The following MEMO1 variants were observed in gnomAD, a reference collection of about 807,000 sequenced individuals.
MEMO1 encodes the protein mediator of cell motility 1.
In MEMO1, 6 loss-of-function variants were observed where a neutral mutation model predicts 45.2. The ratio of observed to expected loss-of-function variants is 0.13; its 90% CI spans 0.07 to 0.26. The LOEUF is 0.26. Ranked by LOEUF, MEMO1 falls within the 10% of genes least tolerant of loss-of-function variation. MEMO1 has a pLI of 1.00. For synonymous variants in MEMO1, 78 were observed against 124.3 expected (o/e 0.63, Z 2.48); for missense variants, 184 against 370.5 (o/e 0.50, Z 4.13).
chr2:31,992,446 A>G (rs966930108), intron 2 of MEMO1, among the ~76,000 whole-genome samples: 4 of 152,204 alleles, frequency 2.6e-5, no homozygotes, highest in Non-Finnish European at 5.9e-5. Flanking sequence ...CTCAAATCTC[A>G]TATCACAATA....
intron 8 of MEMO1, among the ~76,000 whole-genome samples, chr2:31,877,339 G>A (rs1558470833): frequency 6.6e-6 from 1 of 152,172 alleles, no homozygotes; most frequent in South Asian, 2.1e-4. Context: ...GGAAAATGAT[G>A]CACGCTTTTT....
intron 2 of MEMO1, among the ~76,000 whole-genome samples, chr2:31,960,571 T>C (rs1558534554): frequency 6.6e-6 from 1 of 152,184 alleles, no homozygotes; most frequent in East Asian, 1.9e-4. Context: ...AGTACTTCAA[T>C]ATGAAAAGTA....
intron 3 of MEMO1, among the ~76,000 whole-genome samples, chr2:31,933,366 TATATATATATATATATAG>T (rs1558514484): frequency 0.012 from 1,194 of 99,992 alleles, 37 homozygotes; most frequent in South Asian, 0.055. Context: ...TATATATATA[TATATATATATATATATAG>T]AAAGGGGAAG....
intron 8 of MEMO1, among the ~76,000 whole-genome samples, chr2:31,873,593 A>G (rs1674107589): frequency 6.6e-6 from 1 of 152,146 alleles, no homozygotes; most frequent in Non-Finnish European, 1.5e-5. Flanking sequence ...TATCACCCAG[A>G]AGGAAATCTC....
rs368159731 is a variant in MEMO1, at chr2:31,879,763, G to A, written c.657+3623C>T. Among the ~76,000 whole-genome samples the A allele has an allele frequency of 6.6e-5, 10 of 152,220 alleles. No homozygotes were observed. The South Asian group carries it at 2.1e-3, about 32-fold the overall frequency. On this transcript the variant is annotated intron_variant, in intron 8 of 9. Transcript: ENST00000404530. ...ATTTTACACTTACAGTATATTTCAA[G>A]TTGTATAACCACACTTCAAATACTC...
chr2:31,921,769 C>T (rs1158500853), intron 4 of MEMO1, among the ~76,000 whole-genome samples: 2 of 152,046 alleles, frequency 1.3e-5, no homozygotes, highest in African/African-American at 4.8e-5. Context: ...AAAAAGGCAT[C>T]TTGTTGAAAA....
rs758359349 is a variant in MEMO1, at chr2:31,966,732, CA to C, written c.62-23350del. 6.1e-4 allele frequency among the ~76,000 whole-genome samples: 72 copies of C among 117,746 alleles called. 1 individual carries two copies. The highest frequency in any genetic ancestry group is 2.2e-3 in the Admixed American group (22 of 10,020). The allele number at this position is 117,746 out of a possible 152,430, so 77.2% of individuals were successfully genotyped here. On this transcript the variant is annotated intron_variant, in intron 2 of 9. Coordinates refer to ENST00000404530, the MANE Select transcript of MEMO1 (RefSeq NM_001301833.4). ...TGGGTAACAGAGCAAGACTCTGTCT[CA>C]AAAAAAAAAAATGAAAAAAATAAAA... is the stretch of plus-strand genomic sequence containing the variant.
At chr2:31,872,822 G>A (rs1193357330) in intron 8 of MEMO1, among the ~76,000 whole-genome samples, 2 of 152,066 alleles carry the variant, frequency 1.3e-5, no homozygotes, top group Non-Finnish European at 1.5e-5. Flanking sequence ...CTCTTTATAA[G>A]GAAAGATGGG....
intron 2 of MEMO1, among the ~76,000 whole-genome samples, chr2:31,996,058 A>C (rs1475512376): frequency 6.6e-6 from 1 of 152,188 alleles, no homozygotes; most frequent in Non-Finnish European, 1.5e-5. Context: ...TTCATCAAGA[A>C]AACATATATC....
Position 31,932,075 on chromosome 2 carries a change from C to T in MEMO1, c.204G>A (p.Pro68=), listed in dbSNP as rs140215147. 1,198 of 1,612,754 alleles carry T rather than the reference C, an allele frequency of 7.4e-4. 3 individuals carry two copies. The highest frequency in any genetic ancestry group is 9.5e-4 in the Non-Finnish European group (1,122 of 1,179,294). ...CAAHAYKQVD[P]SITRRIFILG... ...AAAACTACATTACTTACGTAATAGA[C>T]GGATCCACTTGTTTATAAGCATGGG... Residue 68 remains proline, a synonymous_variant, in exon 4 of 10, where the codon CCG becomes CCA. Transcript: ENST00000404530.
chr2:31,945,749 T>C (rs188300508), intron 2 of MEMO1, among the ~76,000 whole-genome samples: 68 of 152,246 alleles, frequency 4.5e-4, no homozygotes, highest in Non-Finnish European at 6.8e-4. Context: ...GGCCATCTAG[T>C]TCCAAGTTGT....
intron 2 of MEMO1, among the ~76,000 whole-genome samples, chr2:31,996,287 C>T (rs575942210): frequency 1.7e-4 from 26 of 152,022 alleles, no homozygotes; most frequent in Non-Finnish European, 2.9e-4. Flanking sequence ...GTGGCTCACA[C>T]CTGTAATCCC....
intron 6 of MEMO1, among the ~76,000 whole-genome samples, chr2:31,894,935 G>A (rs2148005914): frequency 6.6e-6 from 1 of 152,194 alleles, no homozygotes; most frequent in South Asian, 2.1e-4. Flanking sequence ...CTGGCTCAAG[G>A]TGTTTAGGTA....
At chr2:31,901,769 C>T (rs868359353) in intron 6 of MEMO1, among the ~76,000 whole-genome samples, 7 of 151,442 alleles carry the variant, frequency 4.6e-5, no homozygotes, top group Admixed American at 1.3e-4. Flanking sequence ...ATTAGCTGGG[C>T]GTGGTGGCGT....
chr2:31,939,510 A>T (rs1370083802), intron 3 of MEMO1, among the ~76,000 whole-genome samples: 1 of 152,216 alleles, frequency 6.6e-6, no homozygotes, highest in East Asian at 1.9e-4. Flanking sequence ...TTTTATGAAT[A>T]CTAAACTCAA....
At position 31,914,961 on chromosome 2, in the gene MEMO1, T is replaced by TAAA. The variant is rs34556047; in HGVS notation, c.437+2962_437+2964dup. ...GACAGAATGAGACCCTGTCTCTTTTTAAAAAAAAAAAAAAAAAAAAAGAGG... is the reference window on the plus strand; with the variant it reads ...GACAGAATGAGACCCTGTCTCTTTTTAAAAAAAAAAAAAAAAAAAAAAAAGAGG... On this transcript the variant is annotated intron_variant, in intron 6 of 9. Transcript: ENST00000404530. Among the ~76,000 whole-genome samples, 135 of 120,214 alleles carry TAAA rather than the reference T, an allele frequency of 1.1e-3. 1 individual carries two copies. The highest frequency in any genetic ancestry group is 3.9e-3 in the African/African-American group (120 of 30,824). The allele number at this position is 120,214 out of a possible 152,430, so 78.9% of individuals were successfully genotyped here.
intron 9 of MEMO1, among the ~76,000 whole-genome samples, 194 bp from the exon 10 acceptor site, chr2:31,868,686 C>T (rs1431754772): frequency 6.6e-6 from 1 of 152,126 alleles, no homozygotes; most frequent in Non-Finnish European, 1.5e-5. Context: ...TCTCAAATAA[C>T]TTCTAATCTT....
At chr2:31,984,524 A>C (rs958638018) in intron 2 of MEMO1, among the ~76,000 whole-genome samples, 2 of 152,208 alleles carry the variant, frequency 1.3e-5, no homozygotes, top group Non-Finnish European at 2.9e-5. Flanking sequence ...AAAGGACATT[A>C]GTGGGCTGTG....
At chr2:31,969,082 T>C (rs1314639754) in intron 2 of MEMO1, among the ~76,000 whole-genome samples, 1 of 151,740 alleles carries the variant, frequency 6.6e-6, no homozygotes, top group East Asian at 1.9e-4. Context: ...ACAAACCAAT[T>C]TTCCCAATAA....
Sources: gnomAD v4.1 joint callset for allele counts (sites outside exome capture counted in the v4.1 genomes callset) on GRCh38, gnomAD v4.1.1 for gene constraint, MANE v1.5 for transcripts, NCBI Gene and HGNC (gene_info 2026-07-23, HGNC 2026-07-21) for gene names.